Variants in SLC25A21 observed in about 807,000 individuals in gnomAD.
SLC25A21 encodes mitochondrial 2-oxodicarboxylate carrier.
A neutral mutation model predicts 43.8 loss-of-function variants in SLC25A21; 47 were observed. The observed-to-expected ratio is 1.07, with a 90% CI of 0.85 to 1.37. The LOEUF (loss-of-function observed/expected upper bound fraction) is 1.37, where lower values mean the gene tolerates loss of function less well. SLC25A21 is among the 40% of genes most tolerant of loss of function. The probability of loss-of-function intolerance (pLI) is 0.00; values close to 1 mark genes in which losing one functional copy is unlikely to be tolerated. For missense variants in SLC25A21, 352 were observed against 350.2 expected, an observed-to-expected ratio of 1.00 and a Z score of -0.04; for synonymous variants, 131 against 121.3, an observed-to-expected ratio of 1.08 and a Z score of -0.52.
At chr14:36,934,095 A>G (rs564305731) in intron 1 of SLC25A21, among the ~76,000 whole-genome samples, 2 of 152,126 alleles carry the variant, frequency 1.3e-5, no homozygotes, top group Non-Finnish European at 2.9e-5. Flanking sequence ...GATTTTTTTA[A>G]GTTCCAAAAC....
At chr14:37,086,726 G>T (rs1962494027) in intron 1 of SLC25A21, among the ~76,000 whole-genome samples, 1 of 152,138 alleles carries the variant, frequency 6.6e-6, no homozygotes, top group African/African-American at 2.4e-5. Context: ...GGTGATAATT[G>T]AATGAGTTAA....
At position 37,038,051 on chromosome 14, in the gene SLC25A21, T is replaced by G. The variant is rs1307656581; in HGVS notation, c.70+134230A>C. On this transcript the variant is annotated intron_variant, in intron 1 of 9. Transcript: ENST00000331299. ...GAATAACTTTATACCCACATACTTT[T>G]TGTGTGTTTCTAAAGTTCTCAGTTC... Among the ~76,000 whole-genome samples the G allele has an allele frequency of 2.0e-5, 3 of 152,196 alleles. No individual in the cohort carries two copies. In the East Asian group the frequency reaches 5.8e-4, roughly 29 times the overall value.
At position 37,057,401 on chromosome 14, in the gene SLC25A21, T is replaced by C. The variant is rs17106145; in HGVS notation, c.70+114880A>G. 9.1e-3 allele frequency among the ~76,000 whole-genome samples: 1,389 copies of C among 152,316 alleles called. 18 individuals are homozygous for C. The highest frequency in any genetic ancestry group is 0.032 in the African/African-American group (1,321 of 41,570). On this transcript the variant is annotated intron_variant, in intron 1 of 9. Transcript: ENST00000331299. ...ATTTAAATTGGAAAATTTTAGCAAG[T>C]TGAGCTACAAAAAGGACAAATTGTT...
intron 1 of SLC25A21, among the ~76,000 whole-genome samples, chr14:36,974,112 G>A (rs1361027711): frequency 1.3e-5 from 2 of 152,136 alleles, no homozygotes; most frequent in Non-Finnish European, 2.9e-5. Context: ...ACTGGGATGG[G>A]CTCACCAGAA....
At chr14:36,737,786 G>A (rs571449696) in intron 3 of SLC25A21, among the ~76,000 whole-genome samples, 7 of 152,268 alleles carry the variant, frequency 4.6e-5, no homozygotes, top group East Asian at 3.9e-4. Flanking sequence ...TTTGGAGAAA[G>A]TCAATCTGCA....
intron 1 of SLC25A21, among the ~76,000 whole-genome samples, chr14:37,073,296 T>A (rs2138828131): frequency 6.6e-6 from 1 of 152,372 alleles, no homozygotes; most frequent in African/African-American, 2.4e-5. Flanking sequence ...AGTTCCCTAT[T>A]CTTTTTCCAA....
intron 1 of SLC25A21, among the ~76,000 whole-genome samples, chr14:37,007,632 G>A (rs17091937): frequency 0.13 from 19,003 of 150,634 alleles, 1,476 homozygotes; most frequent in African/African-American, 0.22. Flanking sequence ...AAAGAACTTT[G>A]AGGCCATTCA....
intron 9 of SLC25A21, among the ~76,000 whole-genome samples, chr14:36,682,180 TTCTC>T (rs952140623): frequency 4.0e-5 from 6 of 151,648 alleles, no homozygotes; most frequent in Admixed American, 2.6e-4. Context: ...CTTTTTTTTT[TTCTC>T]TCTCTCTCAT....
chr14:37,163,762 A>T (rs10130026), intron 1 of SLC25A21, among the ~76,000 whole-genome samples: 129,793 of 152,118 alleles, frequency 0.85, 58,028 homozygotes, highest in South Asian at 0.99. Context: ...AATAAATTCA[A>T]TGTTTGATAG....
intron 3 of SLC25A21, among the ~76,000 whole-genome samples, chr14:36,793,739 C>G (rs1354071822): frequency 6.6e-6 from 1 of 151,890 alleles, no homozygotes; most frequent in African/African-American, 2.4e-5. Flanking sequence ...CTATAAACAC[C>G]AAGCATAATA....
At chr14:37,043,889 C>A (rs984170735) in intron 1 of SLC25A21, among the ~76,000 whole-genome samples, 1 of 151,456 alleles carries the variant, frequency 6.6e-6, no homozygotes, top group Non-Finnish European at 1.5e-5. Flanking sequence ...TGTGCACCAT[C>A]ATGTCTGGCT....
At chr14:36,817,617 C>T (rs1006983382) in intron 2 of SLC25A21, among the ~76,000 whole-genome samples, 1 of 152,112 alleles carries the variant, frequency 6.6e-6, no homozygotes, top group African/African-American at 2.4e-5. Flanking sequence ...AGCACTTGAC[C>T]TTTTCTGCTG....
intron 1 of SLC25A21, among the ~76,000 whole-genome samples, chr14:36,982,555 C>G (rs1960052558): frequency 6.6e-6 from 1 of 151,994 alleles, no homozygotes; most frequent in Non-Finnish European, 1.5e-5. Flanking sequence ...GTACCGGGTG[C>G]AGTAATCACA....
intron 1 of SLC25A21, among the ~76,000 whole-genome samples, chr14:37,014,602 A>G (rs1960805238): frequency 6.6e-6 from 1 of 151,952 alleles, no homozygotes; most frequent in Non-Finnish European, 1.5e-5. Flanking sequence ...GTCAATGTTG[A>G]TATTTTGACC....
At chr14:37,102,471 C>T (rs1284956727) in intron 1 of SLC25A21, among the ~76,000 whole-genome samples, 1 of 151,544 alleles carries the variant, frequency 6.6e-6, no homozygotes, top group East Asian at 2.0e-4. Flanking sequence ...ATGTTTATCC[C>T]TTTCTTCTGA....
chr14:36,831,772 A>G (rs936539029), intron 2 of SLC25A21, among the ~76,000 whole-genome samples: 1 of 152,188 alleles, frequency 6.6e-6, no homozygotes, highest in African/African-American at 2.4e-5. Context: ...TATAAGATGC[A>G]TCGAACCTCA....
At chr14:36,735,163 A>G (rs1311905779) in intron 3 of SLC25A21, among the ~76,000 whole-genome samples, 1 of 152,198 alleles carries the variant, frequency 6.6e-6, no homozygotes, top group African/African-American at 2.4e-5. Context: ...TGTATTGCCA[A>G]CAGAAGAAAT....
chr14:36,699,117 C>CTT (rs201381375), intron 7 of SLC25A21, among the ~76,000 whole-genome samples: 5 of 139,820 alleles, frequency 3.6e-5, no homozygotes, highest in Non-Finnish European at 4.7e-5. Flanking sequence ...TGTAGATGAC[C>CTT]TTTTTTTTTT....
chr14:37,054,010 G>GT (rs796323555), intron 1 of SLC25A21, among the ~76,000 whole-genome samples: 3 of 152,320 alleles, frequency 2.0e-5, no homozygotes, highest in African/African-American at 7.2e-5. Context: ...GAGGTAAAAT[G>GT]TATTTCCCTT....
Sources: allele counts gnomAD v4.1 joint callset (sites outside exome capture counted in the v4.1 genomes callset), GRCh38; gene constraint gnomAD v4.1.1; transcripts MANE v1.5; gene names NCBI Gene and HGNC (gene_info 2026-07-23, HGNC 2026-07-21).